Variants in PRKG1 observed in about 807,000 individuals in gnomAD.
PRKG1 encodes the protein protein kinase cGMP-dependent 1.
PRKG1 carries 35 observed loss-of-function variants against 88.1 expected under a neutral mutation model. The ratio of observed to expected loss-of-function variants is 0.40; its 90% CI spans 0.30 to 0.53. PRKG1 has a LOEUF of 0.53. Ranked by LOEUF, PRKG1 falls within the 20% of genes least tolerant of loss-of-function variation. The pLI is 0.59. For missense variants in PRKG1, 540 were observed against 839.8 expected (o/e 0.64, Z 4.41); for synonymous variants, 303 against 292.5 (o/e 1.04, Z -0.37).
intron 3 of PRKG1, among the ~76,000 whole-genome samples, chr10:51,599,318 G>C (rs1336537163): frequency 6.6e-6 from 1 of 152,106 alleles, no homozygotes; most frequent in Non-Finnish European, 1.5e-5. Flanking sequence ...ACGATACACA[G>C]GACAGGCCCT....
chr10:51,630,016 C>G (rs1839482924), intron 3 of PRKG1, among the ~76,000 whole-genome samples: 1 of 152,172 alleles, frequency 6.6e-6, no homozygotes, highest in African/African-American at 2.4e-5. Context: ...GTCATTCTCC[C>G]CTGAAGTGAC....
intron 4 of PRKG1, among the ~76,000 whole-genome samples, chr10:51,809,994 G>A (rs1839412301): frequency 1.3e-5 from 2 of 151,974 alleles, no homozygotes; most frequent in Non-Finnish European, 2.9e-5. Context: ...ATTATCTCAA[G>A]AGACTCCCCT....
intron 5 of PRKG1, among the ~76,000 whole-genome samples, chr10:51,950,920 A>G (rs1000111462): frequency 6.6e-6 from 1 of 152,236 alleles, no homozygotes; most frequent in African/African-American, 2.4e-5. Flanking sequence ...TTCTGCAGAG[A>G]GCGGACGTGG....
At chr10:51,053,987 C>G in intron 1 of PRKG1, among the ~76,000 whole-genome samples, 1 of 152,042 alleles carries the variant, frequency 6.6e-6, no homozygotes, top group Non-Finnish European at 1.5e-5. Context: ...AATGATGTAA[C>G]TAAATATAAA....
At chr10:51,634,858 A>G (rs1229786223) in intron 3 of PRKG1, among the ~76,000 whole-genome samples, 1 of 152,142 alleles carries the variant, frequency 6.6e-6, no homozygotes, top group African/African-American at 2.4e-5. Context: ...GAAACACTAC[A>G]TATTCTCACT....
chr10:52,164,177 C>G (rs1246335626), intron 9 of PRKG1, among the ~76,000 whole-genome samples: 3 of 151,818 alleles, frequency 2.0e-5, no homozygotes, highest in Admixed American at 6.6e-5. Flanking sequence ...ATGGTGAAAC[C>G]CTGTTGCTAC....
At chr10:51,654,023 C>A (rs1156492454) in intron 3 of PRKG1, among the ~76,000 whole-genome samples, 1 of 151,952 alleles carries the variant, frequency 6.6e-6, no homozygotes, top group Non-Finnish European at 1.5e-5. Flanking sequence ...CTTTGCCATG[C>A]AGAAGCTTTT....
chr10:52,271,427 G>T lies in PRKG1; in HGVS notation c.1251G>T (p.Gln417His), dbSNP rs2132432777. The T allele has an allele frequency of 6.2e-7, 1 of 1,613,022 alleles. No homozygotes were observed. The highest frequency in any genetic ancestry group is 1.7e-4 in the Middle Eastern group (1 of 6,046). ...LKKRHIVDTR[Q>H]QEHIRSEKQI... Reference sequence around the variant, plus strand: ...AACGTCACATTGTGGACACAAGACAGCAGGAGCACATCCGCTCAGAGAAGC... The same window carrying T: ...AACGTCACATTGTGGACACAAGACATCAGGAGCACATCCGCTCAGAGAAGC... Residue 417 changes from glutamine (Q) to histidine (H), a missense_variant, in exon 11 of 18, where the codon CAG becomes CAT. This residue lies in a region of PRKG1 where 400 missense variants were observed against 562.7 expected (regional missense o/e 0.71). Coordinates refer to ENST00000373980, the MANE Select transcript of PRKG1 (RefSeq NM_006258.4).
rs562036312 is a variant in PRKG1 at position 52,138,856 on chromosome 10, G to A, written c.1001+4951G>A. 2.6e-5 allele frequency among the ~76,000 whole-genome samples: 4 copies of A among 152,148 alleles called. No individual in the cohort carries two copies. In the South Asian group the frequency reaches 8.3e-4, roughly 32 times the overall value. ...AAGTTTTTGACCTCCCCAAACTATA[G>A]TCACCTGATATATTCATGCCATATA... On this transcript the variant is annotated intron_variant, in intron 8 of 17. Transcript: ENST00000373980.
intron 14 of PRKG1, among the ~76,000 whole-genome samples, chr10:52,283,338 G>C (rs1842041686): frequency 6.6e-6 from 1 of 152,076 alleles, no homozygotes; most frequent in Admixed American, 6.6e-5. Context: ...TTGTGAGGCA[G>C]GATGTGAAGA....
chr10:51,699,427 A>G (rs1197977464), intron 3 of PRKG1: 20 of 1,613,968 alleles, frequency 1.2e-5, no homozygotes, highest in Non-Finnish European at 1.7e-5. Flanking sequence ...AACTGACAAC[A>G]GAACCAACCT....
intron 1 of PRKG1, among the ~76,000 whole-genome samples, chr10:50,996,969 C>A (rs1223396496): frequency 6.6e-6 from 1 of 152,170 alleles, no homozygotes; most frequent in Non-Finnish European, 1.5e-5. Flanking sequence ...TTAGGCAGCA[C>A]GGCTTGTAAA....
intron 2 of PRKG1, among the ~76,000 whole-genome samples, chr10:51,447,270 A>G (rs1364202593): frequency 6.6e-6 from 1 of 151,994 alleles, no homozygotes; most frequent in African/African-American, 2.4e-5. Context: ...TGCAAATCTA[A>G]TGGTAACTGA....
At chr10:52,290,709 A>T (rs1428545565) in intron 17 of PRKG1, among the ~76,000 whole-genome samples, 1 of 152,034 alleles carries the variant, frequency 6.6e-6, no homozygotes, top group East Asian at 1.9e-4. Context: ...AGAAAATACT[A>T]GCCAGGTGTG....
chr10:51,968,918 T>C (rs187017935), intron 5 of PRKG1, among the ~76,000 whole-genome samples: 109 of 151,998 alleles, frequency 7.2e-4, no homozygotes, highest in African/African-American at 2.3e-3. Flanking sequence ...ATGAGAACAC[T>C]AGATAACTCA....
intron 1 of PRKG1, among the ~76,000 whole-genome samples, chr10:51,026,653 C>G (rs1055080393): frequency 4.6e-5 from 7 of 152,052 alleles, no homozygotes; most frequent in Non-Finnish European, 7.4e-5. Flanking sequence ...CCCTTTTTGT[C>G]TTCTTGAGTC....
intron 2 of PRKG1, among the ~76,000 whole-genome samples, chr10:51,311,949 G>A (rs1019812986): frequency 3.9e-5 from 6 of 152,172 alleles, no homozygotes; most frequent in African/African-American, 7.2e-5. Flanking sequence ...TTGGCTCACC[G>A]CAACCTCTGC....
At chr10:51,620,868 T>A (rs759306949) in intron 3 of PRKG1, among the ~76,000 whole-genome samples, 5 of 151,868 alleles carry the variant, frequency 3.3e-5, no homozygotes, top group Middle Eastern at 3.4e-3. Context: ...CTGTCATAAG[T>A]TTAGGGAAAT....
chr10:51,082,912 G>A (rs1564593270), intron 1 of PRKG1, among the ~76,000 whole-genome samples: 4 of 152,102 alleles, frequency 2.6e-5, no homozygotes, highest in Admixed American at 2.0e-4. Context: ...CAGAGCCTAT[G>A]ATTTAATTGC....
Sources: allele counts gnomAD v4.1 joint callset (sites outside exome capture counted in the v4.1 genomes callset), GRCh38; gene constraint gnomAD v4.1.1; regional missense constraint gnomAD v4.1.1; transcripts MANE v1.5; gene names NCBI Gene and HGNC (gene_info 2026-07-23, HGNC 2026-07-21).